VIPR1: variants seen among roughly 807,000 people sequenced by gnomAD.
The protein encoded by VIPR1 is vasoactive intestinal polypeptide receptor 1.
In VIPR1, 59 loss-of-function variants were observed where a neutral mutation model predicts 58.8. The observed-to-expected ratio is 1.00, with a 90% confidence interval of 0.81 to 1.25. VIPR1 has a LOEUF of 1.25. VIPR1 is among the 50% of genes most tolerant of loss of function. VIPR1 has a pLI of 0.00. For missense variants in VIPR1, 626 were observed against 602.7 expected (o/e 1.04, Z -0.40); for synonymous variants, 251 against 242.1 (o/e 1.04, Z -0.34).
chr3:42,511,005 G>A (rs1249364107), intron 1 of VIPR1, among the ~76,000 whole-genome samples: 2 of 152,196 alleles, frequency 1.3e-5, no homozygotes, highest in Non-Finnish European at 2.9e-5. Context: ...GGCCCAGAAA[G>A]TGAGGGCGTC....
intron 1 of VIPR1, chr3:42,512,670 A>G (rs1483778823): frequency 6.6e-6 from 6 of 910,776 alleles, no homozygotes; most frequent in Non-Finnish European, 7.9e-6. Context: ...GCTGGAGGAG[A>G]CACTGAGAAT....
At chr3:42,515,403 A>G (rs77220310) in intron 2 of VIPR1, among the ~76,000 whole-genome samples, 5,046 of 152,200 alleles carry the variant, frequency 0.033, 268 homozygotes, top group African/African-American at 0.11. Context: ...GCCCCACCCC[A>G]CTCCACCAGT....
intron 1 of VIPR1, among the ~76,000 whole-genome samples, 155 bp downstream of exon 1, chr3:42,502,968 C>A (rs1212845332): frequency 6.6e-6 from 1 of 152,212 alleles, no homozygotes; most frequent in Non-Finnish European, 1.5e-5. Flanking sequence ...TCCCACCGCT[C>A]CAGACCGAAC....
upstream of VIPR1, among the ~76,000 whole-genome samples, chr3:42,501,035 T>C (rs1022779794): frequency 6.6e-6 from 1 of 151,666 alleles, no homozygotes; most frequent in Non-Finnish European, 1.5e-5. The surrounding 1 kb of genome is among the most constrained non-coding windows in gnomAD (Gnocchi z 4.8). Flanking sequence ...TAAATGTGCA[T>C]GGAAGAAAGG....
chr3:42,525,967 G>A lies in VIPR1; in HGVS notation c.373G>A (p.Asp125Asn), dbSNP rs1287371089. ...CCCGTACCCCATTGCCTGTGGTTTG[G>A]ATGACAAGGCAGCGAGTTTGGATGA... ...PGPYPIACGL[D>N]DKAASLDEQQ... Residue 125 changes from aspartate to asparagine, a missense_variant, in exon 4 of 13, where the codon GAT becomes AAT. By Grantham distance (23) the Asp-to-Asn change is conservative. Transcript: ENST00000325123. 6.2e-7 allele frequency: 1 copy of A among 1,613,458 alleles called. No individual in the cohort carries two copies.
At chr3:42,520,422 G>C (rs1038020195) in intron 3 of VIPR1, among the ~76,000 whole-genome samples, 3 of 152,158 alleles carry the variant, frequency 2.0e-5, no homozygotes, top group Admixed American at 2.0e-4. Context: ...AGAATTCTAG[G>C]AGTGTAAACA....
At chr3:42,515,982 T>C (rs1035901995) in intron 2 of VIPR1, among the ~76,000 whole-genome samples, 1 of 152,214 alleles carries the variant, frequency 6.6e-6, no homozygotes, top group African/African-American at 2.4e-5. Flanking sequence ...GCCCATTTGC[T>C]TGTGTCTGTG....
At chr3:42,532,036 C>T (rs563001772) in intron 9 of VIPR1, 167 bp downstream of exon 9, 10 of 934,142 alleles carry the variant, frequency 1.1e-5, no homozygotes, top group African/African-American at 8.2e-5. Context: ...CTTCCTTGAG[C>T]GTAAGCGGAT....
intron 3 of VIPR1, among the ~76,000 whole-genome samples, chr3:42,524,756 G>A (rs1169188540): frequency 1.3e-5 from 2 of 152,044 alleles, no homozygotes; most frequent in African/African-American, 2.4e-5. Flanking sequence ...AAGTCCTCAG[G>A]TCACCTCCAT....
At chr3:42,532,566 A>T in intron 10 of VIPR1, 1 of 594,494 alleles carries the variant, frequency 1.7e-6, no homozygotes, top group Non-Finnish European at 3.0e-6. Flanking sequence ...ACACTCACCT[A>T]GCATCCTTCC....
chr3:42,502,056 C>T (rs566010697), upstream of VIPR1: 2 of 152,394 alleles, frequency 1.3e-5, no homozygotes, highest in South Asian at 2.1e-4. Context: ...CGCTTCCTCT[C>T]GCCTGGCTTC....
At chr3:42,527,869 G>A in intron 5 of VIPR1, 122 bp from the exon 6 acceptor site, 2 of 1,375,308 alleles carry the variant, frequency 1.5e-6, no homozygotes, top group Non-Finnish European at 2.0e-6. Flanking sequence ...CTTTGAGGCG[G>A]GGCCTGCCCT....
chr3:42,523,913 G>A (rs1053113475), intron 3 of VIPR1, among the ~76,000 whole-genome samples: 1 of 152,092 alleles, frequency 6.6e-6, no homozygotes, highest in African/African-American at 2.4e-5. Flanking sequence ...CACCTCCTGG[G>A]TTCAAGCGAT....
chr3:42,504,121 T>C (rs753238227), intron 1 of VIPR1, among the ~76,000 whole-genome samples: 4 of 152,156 alleles, frequency 2.6e-5, no homozygotes, highest in Admixed American at 6.5e-5. Context: ...GCCACAGCTC[T>C]GGCACAACTT....
At chr3:42,527,098 G>A (rs1415857949) in intron 4 of VIPR1, among the ~76,000 whole-genome samples, 1 of 152,106 alleles carries the variant, frequency 6.6e-6, no homozygotes, top group Non-Finnish European at 1.5e-5. Context: ...TTAACAAAAG[G>A]GACGTGCAAG....
chr3:42,536,168 C>T lies in VIPR1; in HGVS notation c.1261C>T (p.Pro421Ser), dbSNP rs1701832267. 2 of 1,607,996 alleles carry T rather than the reference C, an allele frequency of 1.2e-6. No individual in the cohort carries two copies. Among genetic ancestry groups the T allele is most frequent in the Non-Finnish European group, 1.7e-6 (2 of 1,177,900 alleles). The stretch of plus-strand genomic sequence containing the variant: ...GGGCTGGAACCCCAAATACCGGCAC[C>T]CGTCGGGAGGCAGCAACGGCGCCAC... ...VLGWNPKYRH[P>S]SGGSNGATCS... Residue 421 changes from proline to serine, a missense_variant, in exon 13 of 13, where the codon CCG (proline) becomes TCG (serine). Transcript: ENST00000325123.
At chr3:42,500,427 C>T (rs749865110), upstream of VIPR1, 3 of 152,262 alleles carry the variant, frequency 2.0e-5, no homozygotes, top group Admixed American at 6.5e-5. Context: ...AGAACCTTGT[C>T]CTCCAGGAGA....
chr3:42,530,782 G>A lies in VIPR1; in HGVS notation c.640G>A (p.Gly214Ser), dbSNP rs750336284. 1.2e-6 allele frequency: 2 copies of A among 1,613,878 alleles called. No individual in the cohort carries two copies. The highest frequency in any genetic ancestry group is 1.7e-6 in the Non-Finnish European group (2 of 1,179,810). ...GTCTTTTCTCCTCCCCCTGCAGGTG[G>A]GCTGTAAGGCAGCCATGGTCTTTTT... is the stretch of plus-strand genomic sequence containing the variant. ...ESDQCSEGSV[G>S]CKAAMVFFQY... is the part of the protein sequence containing the mutation. Residue 214 changes from glycine (G) to serine (S), a missense_variant, in exon 7 of 13, where the codon GGC (glycine) becomes AGC (serine). Coordinates refer to ENST00000325123, the MANE Select transcript of VIPR1 (RefSeq NM_004624.4).
chr3:42,526,180 A>G (rs1030056921), intron 4 of VIPR1, among the ~76,000 whole-genome samples, 187 bp downstream of exon 4: 1 of 152,122 alleles, frequency 6.6e-6, no homozygotes, highest in Non-Finnish European at 1.5e-5. Context: ...CTGACAGGGT[A>G]TGGGAGGAGG....
Sources: gnomAD v4.1 joint callset for allele counts (sites outside exome capture counted in the v4.1 genomes callset) on GRCh38, gnomAD v4.1.1 for gene constraint, Gnocchi (gnomAD v3.1) non-coding constraint, MANE v1.5 for transcripts, NCBI Gene and HGNC (gene_info 2026-07-23, HGNC 2026-07-21) for gene names.